CLPX: variants seen among roughly 807,000 people sequenced by gnomAD.
The protein encoded by CLPX is caseinolytic mitochondrial matrix peptidase chaperone subunit X.
CLPX carries 34 observed loss-of-function variants against 76.4 expected under a neutral mutation model. That is an observed-to-expected ratio of 0.45 (90% CI 0.34 to 0.59). CLPX has a LOEUF of 0.59. Ranked by LOEUF, CLPX falls within the 20% of genes least tolerant of loss-of-function variation. The pLI is 0.01. For synonymous variants in CLPX, 248 were observed against 270.9 expected, an observed-to-expected ratio of 0.92 and a Z score of 0.83; for missense variants, 613 against 757.0, an observed-to-expected ratio of 0.81 and a Z score of 2.23.
In CLPX at chr15:65,185,299, G is replaced by A. The variant is rs2088244890; in HGVS notation, c.-146C>T. On this transcript the variant is annotated 5_prime_UTR_variant, in exon 1 of 14. Coordinates refer to ENST00000300107, the MANE Select transcript of CLPX (RefSeq NM_006660.5). The stretch of plus-strand genomic sequence containing the variant: ...GGAGAGTTCACCTGCCCGGCAGCCA[G>A]GCCTTCACGCTTCTCTGCCCCACAG... 1 of 629,620 alleles carries A rather than the reference G, an allele frequency of 1.6e-6. No individual in the cohort carries two copies. The highest frequency in any genetic ancestry group is 2.8e-6 in the Non-Finnish European group (1 of 358,198). 39.0% of individuals were successfully genotyped at this position (629,620 alleles called of 1,614,324 possible).
At chr15:65,180,593 T>C (rs1432084140) in intron 1 of CLPX, among the ~76,000 whole-genome samples, 1 of 152,096 alleles carries the variant, frequency 6.6e-6, no homozygotes, top group Non-Finnish European at 1.5e-5. Context: ...CAGCAACTCA[T>C]CTGTTATTAT....
intron 10 of CLPX, 83 bp from the exon 11 acceptor site, chr15:65,155,164 T>A: frequency 8.7e-7 from 1 of 1,152,020 alleles, no homozygotes; most frequent in Non-Finnish European, 1.2e-6. Flanking sequence ...TTTCATATGA[T>A]CTTTGTAACA....
At chr15:65,153,217 A>T (rs910360185) in intron 12 of CLPX, among the ~76,000 whole-genome samples, 1 of 151,934 alleles carries the variant, frequency 6.6e-6, no homozygotes, top group East Asian at 1.9e-4. Flanking sequence ...TGGGAGGCTG[A>T]GGCAGGCAGA....
chr15:65,157,747 T>G lies in CLPX; in HGVS notation c.1056A>C (p.Gln352His), dbSNP rs1204055522. ...DANYNVEKAQQGIVFLDEVDK... is the reference protein window; with the variant it reads ...DANYNVEKAQHGIVFLDEVDK... Reference sequence around the variant, plus strand: ...GGACAGACCATGCTGAAAACATACCTTGTTGTGCTTTTTCCACATTATAAT... The same window carrying G: ...GGACAGACCATGCTGAAAACATACCGTGTTGTGCTTTTTCCACATTATAAT... Residue 352 changes from glutamine to histidine, a missense_variant and splice_region_variant, in exon 8 of 14, where the codon CAA becomes CAC. By Grantham distance (24) the Gln-to-His change is conservative (BLOSUM62 0). This residue lies in a region of CLPX where 450 missense variants were observed against 638.6 expected (regional missense o/e 0.70). Coordinates refer to ENST00000300107, the MANE Select transcript of CLPX (RefSeq NM_006660.5). 3.1e-6 allele frequency: 5 copies of G among 1,612,766 alleles called. No individual in the cohort carries two copies. Among genetic ancestry groups the G allele is most frequent in the Non-Finnish European group, 4.2e-6 (5 of 1,179,478 alleles).
Position 65,180,120 on chromosome 15 carries a change from C to G in CLPX, c.164G>C (p.Arg55Thr). The stretch of plus-strand genomic sequence containing the variant: ...GTATGCTGGTGTTTCTGTAAAGGAT[C>G]TAAGAGGAGCTCTTTGCAGAATCTG... ...ETQILQRAPLRSFTETPAYFA... is the reference protein window; with the variant it reads ...ETQILQRAPLTSFTETPAYFA... The change falls in exon 2 of 14, where the codon AGA becomes ACA. Residue 55 changes from arginine to threonine, a missense_variant. Around this residue, in one of 2 missense-constraint regions of CLPX, gnomAD observed 163 missense variants for 118.4 expected, o/e 1.38. Coordinates refer to ENST00000300107, the MANE Select transcript of CLPX (RefSeq NM_006660.5). The G allele has an allele frequency of 6.2e-7, 1 of 1,612,718 alleles. No homozygotes were observed. The highest frequency in any genetic ancestry group is 8.5e-7 in the Non-Finnish European group (1 of 1,179,158).
chr15:65,183,460 C>CAAAAAAAAAAAAA (rs61002905), intron 1 of CLPX, among the ~76,000 whole-genome samples: 16 of 66,254 alleles, frequency 2.4e-4, no homozygotes, highest in Non-Finnish European at 3.2e-4. Flanking sequence ...GACTCTGTCT[C>CAAAAAAAAAAAAA]AAAAAAAAAA....
chr15:65,150,645 C>T lies in CLPX; in HGVS notation c.*178G>A, dbSNP rs569207573. 4.4e-5 allele frequency: 18 copies of T among 407,830 alleles called. No individual in the cohort carries two copies. Among genetic ancestry groups the T allele is most frequent in the East Asian group, 2.8e-4 (8 of 28,390 alleles). 25.3% of individuals were successfully genotyped at this position (407,830 alleles called of 1,614,324 possible). ...TCATTAAAGTCCATATAACATCTTC[C>T]GTAAAATCAATGTGATGTTACAATT... On this transcript the variant is annotated 3_prime_UTR_variant, in exon 14 of 14. Transcript: ENST00000300107.
At position 65,185,302 on chromosome 15, in the gene CLPX, C is replaced by T. The variant is rs2088244975; in HGVS notation, c.-149G>A. ...GAGTTCACCTGCCCGGCAGCCAGGC[C>T]TTCACGCTTCTCTGCCCCACAGCCG... On this transcript the variant is annotated 5_prime_UTR_variant, in exon 1 of 14. Coordinates refer to ENST00000300107, the MANE Select transcript of CLPX (RefSeq NM_006660.5). 1.6e-6 allele frequency: 1 copy of T among 620,588 alleles called. No homozygotes were observed. The allele number at this position is 620,588 out of a possible 1,614,324, so 38.4% of individuals were successfully genotyped here. A position where few individuals can be genotyped will look rare whatever the true frequency, so the allele number is the denominator to read the frequency against.
At chr15:65,151,095 A>C (rs1005969470) in intron 13 of CLPX, among the ~76,000 whole-genome samples, 182 bp from the exon 14 acceptor site, 5 of 152,116 alleles carry the variant, frequency 3.3e-5, no homozygotes, top group African/African-American at 1.2e-4. Context: ...CTGTAATCCC[A>C]GCATTTTGGA....
chr15:65,170,840 TGAGA>T (rs2087993519), intron 3 of CLPX, among the ~76,000 whole-genome samples: 1 of 147,926 alleles, frequency 6.8e-6, no homozygotes. Context: ...TTTTTTTTTT[TGAGA>T]CGGAGTCTCA....
chr15:65,152,904 TTTTGTTTG>T (rs1555412183), intron 12 of CLPX, among the ~76,000 whole-genome samples: 4 of 150,594 alleles, frequency 2.7e-5, no homozygotes, highest in Admixed American at 6.6e-5. Context: ...GCCTCTTTTT[TTTTGTTTG>T]TTTGTTTGTT....
intron 3 of CLPX, among the ~76,000 whole-genome samples, chr15:65,176,910 G>C (rs2088098019): frequency 6.6e-6 from 1 of 150,442 alleles, no homozygotes; most frequent in Admixed American, 6.6e-5. Flanking sequence ...TTATTCTTTA[G>C]GTCTATAAAG....
intron 1 of CLPX, among the ~76,000 whole-genome samples, chr15:65,180,965 C>T (rs893645920): frequency 2.0e-5 from 3 of 150,494 alleles, no homozygotes; most frequent in African/African-American, 7.3e-5. Context: ...TAAGGTCAGG[C>T]GCGGTGGCTC....
chr15:65,171,925 A>C (rs1262110302), intron 3 of CLPX, among the ~76,000 whole-genome samples: 1 of 152,234 alleles, frequency 6.6e-6, no homozygotes, highest in East Asian at 1.9e-4. Context: ...CCCTAAATTC[A>C]AGGATTCAAT....
At chr15:65,166,607 T>A (rs960714176) in intron 4 of CLPX, 24 bp downstream of exon 4, 2 of 1,610,214 alleles carry the variant, frequency 1.2e-6, no homozygotes, top group Non-Finnish European at 8.5e-7. Context: ...AAAATACTTG[T>A]AAGACTGAGC....
At chr15:65,174,733 T>C (rs1370461605) in intron 3 of CLPX, among the ~76,000 whole-genome samples, 1 of 152,190 alleles carries the variant, frequency 6.6e-6, no homozygotes, top group Non-Finnish European at 1.5e-5. Flanking sequence ...AATCCATGCA[T>C]ACTCAAGTCC....
chr15:65,151,931 T>C (rs1408358844), intron 13 of CLPX, among the ~76,000 whole-genome samples: 1 of 152,098 alleles, frequency 6.6e-6, no homozygotes, highest in Non-Finnish European at 1.5e-5. Flanking sequence ...CCCATTGCCT[T>C]TTTTTATATA....
In CLPX at chr15:65,148,741, A is replaced by C. The variant is rs1164710155; in HGVS notation, c.*2082T>G. 1 of 152,040 alleles carries C rather than the reference A, an allele frequency of 6.6e-6. No homozygotes were observed. Among genetic ancestry groups the C allele is most frequent in the Non-Finnish European group, 1.5e-5 (1 of 68,014 alleles). The allele number at this position is 152,040 out of a possible 1,614,324, so 9.4% of individuals were successfully genotyped here. ...AGCTCGAGTCTATAAACCAAAAAAA[A>C]AAACCCACAAATATTTACATGTACT... On this transcript the variant is annotated 3_prime_UTR_variant, in exon 14 of 14. Transcript: ENST00000300107.
chr15:65,158,298 A>C, intron 7 of CLPX: 1 of 346,194 alleles, frequency 2.9e-6, no homozygotes, highest in Non-Finnish European at 5.2e-6. Context: ...CTGGGATTAC[A>C]GGTGTGAGCC....
Sources: allele counts gnomAD v4.1 joint callset (sites outside exome capture counted in the v4.1 genomes callset), GRCh38; gene constraint gnomAD v4.1.1; regional missense constraint gnomAD v4.1.1; transcripts MANE v1.5; gene names NCBI Gene and HGNC (gene_info 2026-07-23, HGNC 2026-07-21).